The following ADAMTS14 variants were observed in gnomAD, a reference collection of about 807,000 sequenced individuals.
ADAMTS14 encodes the protein A disintegrin and metalloproteinase with thrombospondin motifs 14.
A neutral mutation model predicts 128.6 loss-of-function variants in ADAMTS14; 100 were observed. The ratio of observed to expected loss-of-function variants is 0.78; its 90% CI spans 0.66 to 0.92. ADAMTS14 has a LOEUF of 0.92. ADAMTS14 is among the 40% of genes least tolerant of loss of function. The pLI, the probability that ADAMTS14 is intolerant of heterozygous loss-of-function variation, is 0.00. For missense variants in ADAMTS14, 1,562 were observed against 1,658.6 expected (o/e 0.94, Z 1.01); for synonymous variants, 665 against 653.8 (o/e 1.02, Z -0.26).
At chr10:70,678,597 G>T (rs866816275) in intron 2 of ADAMTS14, among the ~76,000 whole-genome samples, 5 of 151,990 alleles carry the variant, frequency 3.3e-5, no homozygotes, top group African/African-American at 1.2e-4. Flanking sequence ...AAGACACGCG[G>T]GGCAGGGGGG....
rs752283953 is a variant in ADAMTS14, at chr10:70,738,980, A to C, written c.1738A>C (p.Asn580His). Residue 580 changes from asparagine (N) to histidine (H), a missense_variant, in exon 11 of 22, where the codon AAC becomes CAC. Physicochemically the swap from Asn to His is moderately conservative, Grantham distance 68 (BLOSUM62 1). Transcript: ENST00000373207. ...GGVRSRSRSC[N>H]NPSPAYGGRL... ...GGTGCGATCCCGCAGCCGGAGCTGC[A>C]ACAACCCCTCGTGAGTGTGCTTGGC... 12 of 1,610,466 alleles carry C rather than the reference A, an allele frequency of 7.5e-6. No individual in the cohort carries two copies. The highest frequency in any genetic ancestry group is 9.3e-6 in the Non-Finnish European group (11 of 1,178,302).
chr10:70,758,109 G>T lies in ADAMTS14; in HGVS notation c.3067+18G>T, dbSNP rs1842523432. ...CTGTGGAGGTGAGCCAGAGGGGATG[G>T]GGAGGCCAGGTCCAGTCCCTTGGGC... is the stretch of plus-strand genomic sequence containing the variant. On this transcript the variant is annotated intron_variant, in intron 20 of 21. Coordinates refer to ENST00000373207, the MANE Select transcript of ADAMTS14 (RefSeq NM_080722.4). The T allele has an allele frequency of 1.2e-6, 2 of 1,611,986 alleles. No individual in the cohort carries two copies. The highest frequency in any genetic ancestry group is 1.7e-5 in the Admixed American group (1 of 59,834).
chr10:70,704,130 C>T lies in ADAMTS14; in HGVS notation c.679+1662C>T, dbSNP rs147092565. The stretch of plus-strand genomic sequence containing the variant: ...AGGTGCTCAGAGCCTGCCTAGCAGC[C>T]GGCTAAAGGCTTTTGGGGAATCTTC... On this transcript the variant is annotated intron_variant, in intron 3 of 21. Coordinates refer to ENST00000373207, the MANE Select transcript of ADAMTS14 (RefSeq NM_080722.4). Among the ~76,000 whole-genome samples, 225 of 152,258 alleles carry T rather than the reference C, an allele frequency of 1.5e-3. 2 individuals carry two copies. Among genetic ancestry groups the T allele is most frequent in the African/African-American group, 4.8e-3 (201 of 41,536 alleles).
chr10:70,680,564 C>G (rs780073714), intron 2 of ADAMTS14, among the ~76,000 whole-genome samples: 2 of 152,066 alleles, frequency 1.3e-5, no homozygotes, highest in Admixed American at 1.3e-4. Flanking sequence ...GCTGTGGGAC[C>G]TTGAGCGAGT....
chr10:70,746,503 T>C (rs1475296871), intron 15 of ADAMTS14, among the ~76,000 whole-genome samples: 1 of 152,196 alleles, frequency 6.6e-6, no homozygotes, highest in Non-Finnish European at 1.5e-5. Flanking sequence ...ACAGTGGCAA[T>C]GGCTGAATCT....
At chr10:70,719,486 C>T (rs929353217) in intron 4 of ADAMTS14, among the ~76,000 whole-genome samples, 12 of 151,976 alleles carry the variant, frequency 7.9e-5, no homozygotes, top group East Asian at 3.9e-4. Context: ...ACTGTAGCCT[C>T]GACCTCCTGG....
At chr10:70,677,902 T>A (rs1451537284) in intron 2 of ADAMTS14, among the ~76,000 whole-genome samples, 1 of 152,250 alleles carries the variant, frequency 6.6e-6, no homozygotes, top group Non-Finnish European at 1.5e-5. Flanking sequence ...AAGATTGAAC[T>A]CTGCATCTTT....
At chr10:70,719,903 C>A (rs1236568095) in intron 4 of ADAMTS14, among the ~76,000 whole-genome samples, 3 of 152,230 alleles carry the variant, frequency 2.0e-5, no homozygotes, top group African/African-American at 7.2e-5. Flanking sequence ...CAGAGCTCGA[C>A]CTTCACAGGC....
intron 2 of ADAMTS14, among the ~76,000 whole-genome samples, chr10:70,675,617 G>C (rs1839623006): frequency 6.6e-6 from 1 of 152,156 alleles, no homozygotes; most frequent in Non-Finnish European, 1.5e-5. Context: ...TGGCTGCTCT[G>C]TGTGTCCCTT....
intron 2 of ADAMTS14, among the ~76,000 whole-genome samples, chr10:70,684,648 C>T (rs1269217614): frequency 6.6e-6 from 1 of 152,264 alleles, no homozygotes; most frequent in African/African-American, 2.4e-5. Flanking sequence ...AGTGCTGCCA[C>T]AGTGCCTGGA....
chr10:70,734,485 G>C (rs1416529242), intron 8 of ADAMTS14, among the ~76,000 whole-genome samples: 1 of 152,162 alleles, frequency 6.6e-6, no homozygotes, highest in Admixed American at 6.5e-5. Flanking sequence ...CTCAATGGAT[G>C]AACAGTGCCA....
At chr10:70,754,813 G>A (rs1255367654) in intron 19 of ADAMTS14, among the ~76,000 whole-genome samples, 1 of 152,222 alleles carries the variant, frequency 6.6e-6, no homozygotes, top group Non-Finnish European at 1.5e-5. Context: ...GTGGAAGGTT[G>A]AGCGTTAGAC....
chr10:70,744,792 C>T (rs1842125717), intron 14 of ADAMTS14, among the ~76,000 whole-genome samples: 1 of 152,098 alleles, frequency 6.6e-6, no homozygotes, highest in Non-Finnish European at 1.5e-5. Context: ...AAAGTCCAGG[C>T]CTTGGGTCGG....
At chr10:70,713,891 A>G (rs756789517) in intron 4 of ADAMTS14, among the ~76,000 whole-genome samples, 1 of 152,196 alleles carries the variant, frequency 6.6e-6, no homozygotes, top group Non-Finnish European at 1.5e-5. Context: ...TCTGCAGACC[A>G]CTGCACAAGA....
chr10:70,752,621 C>T (rs550188977), intron 18 of ADAMTS14, among the ~76,000 whole-genome samples: 7 of 152,258 alleles, frequency 4.6e-5, no homozygotes, highest in South Asian at 2.1e-4. Flanking sequence ...GTTGCAGAGC[C>T]GGCCTCAAGA....
Position 70,674,959 on chromosome 10 carries a change from T to C in ADAMTS14, c.486T>C (p.Pro162=). 1.2e-6 allele frequency: 2 copies of C among 1,613,030 alleles called. No homozygotes were observed. The highest frequency in any genetic ancestry group is 2.7e-5 in the African/African-American group (2 of 75,058). ...CVYTGGVTGM[P]GAAVAISNCD... is the part of the protein sequence containing the mutation. ...ACACTGGAGGTGTCACTGGAATGCC[T>C]GGGGCAGCTGTTGCCATCAGCAACT... is the stretch of plus-strand genomic sequence containing the variant. Residue 162 remains proline (P), a synonymous_variant, in exon 2 of 22, where the codon CCT becomes CCC. Coordinates refer to ENST00000373207, the MANE Select transcript of ADAMTS14 (RefSeq NM_080722.4).
intron 3 of ADAMTS14, among the ~76,000 whole-genome samples, chr10:70,703,289 C>T (rs10762398): frequency 0.12 from 17,782 of 152,208 alleles, 1,522 homozygotes; most frequent in East Asian, 0.48. Flanking sequence ...TGGTCAACTT[C>T]ACAGTGTCAC....
At chr10:70,694,288 C>T (rs1840272446) in intron 2 of ADAMTS14, among the ~76,000 whole-genome samples, 1 of 152,226 alleles carries the variant, frequency 6.6e-6, no homozygotes, top group Non-Finnish European at 1.5e-5. Context: ...TGTGTGTCCT[C>T]TCCGTGCTTG....
chr10:70,714,849 G>A (rs188268719), intron 4 of ADAMTS14, among the ~76,000 whole-genome samples: 212 of 151,712 alleles, frequency 1.4e-3, no homozygotes, highest in Middle Eastern at 0.014. Context: ...GGGAGGCTGA[G>A]GCAGGAGAAT....
Sources: allele counts gnomAD v4.1 joint callset (sites outside exome capture counted in the v4.1 genomes callset), GRCh38; gene constraint gnomAD v4.1.1; transcripts MANE v1.5; gene names NCBI Gene and HGNC (gene_info 2026-07-23, HGNC 2026-07-21).